LRRC3B: variants seen among roughly 807,000 people sequenced by gnomAD.
LRRC3B encodes leucine-rich repeat-containing protein 3B.
Under a neutral mutation model 12.8 loss-of-function variants are expected in LRRC3B, and 2 were observed. The ratio of observed to expected loss-of-function variants is 0.16; its 90% CI spans 0.06 to 0.49. The LOEUF (loss-of-function observed/expected upper bound fraction) is 0.49. Among genes scored for constraint, LRRC3B ranks in the 20% least tolerant of loss-of-function variants. The probability of loss-of-function intolerance (pLI) is 0.96; values close to 1 mark genes in which losing one functional copy is unlikely to be tolerated. For missense variants in LRRC3B, 189 were observed against 319.4 expected, an observed-to-expected ratio of 0.59 and a Z score of 3.11; for synonymous variants, 132 against 122.0, an observed-to-expected ratio of 1.08 and a Z score of -0.54.
At chr3:26,699,333 A>C (rs1355490643) in intron 1 of LRRC3B, among the ~76,000 whole-genome samples, 2 of 152,156 alleles carry the variant, frequency 1.3e-5, no homozygotes, top group Non-Finnish European at 2.9e-5. Flanking sequence ...CACATTTCAC[A>C]CATATTTTAT....
intron 1 of LRRC3B, among the ~76,000 whole-genome samples, chr3:26,648,436 C>CT (rs1010921161): frequency 9.3e-5 from 14 of 150,978 alleles, no homozygotes; most frequent in Admixed American, 2.0e-4. Flanking sequence ...ATGAAAAGGG[C>CT]TTTTTTTTTG....
chr3:26,647,935 G>T (rs961284902), intron 1 of LRRC3B, among the ~76,000 whole-genome samples: 1 of 152,182 alleles, frequency 6.6e-6, no homozygotes, highest in African/African-American at 2.4e-5. Context: ...TGTGTTTGGG[G>T]ATGAGGAGGC....
At chr3:26,652,839 A>T (rs148190031) in intron 1 of LRRC3B, among the ~76,000 whole-genome samples, 352 of 152,234 alleles carry the variant, frequency 2.3e-3, no homozygotes, top group African/African-American at 8.2e-3. Flanking sequence ...CATCTCCCCA[A>T]ATTTTATTAT....
At chr3:26,674,470 AAAAGG>A (rs1026139923) in intron 1 of LRRC3B, among the ~76,000 whole-genome samples, 1 of 152,144 alleles carries the variant, frequency 6.6e-6, no homozygotes, top group Non-Finnish European at 1.5e-5. Flanking sequence ...TGTTCTTATA[AAAAGG>A]AAAGAAGGTT....
chr3:26,642,660 A>T (rs1699055209), intron 1 of LRRC3B, among the ~76,000 whole-genome samples: 1 of 152,156 alleles, frequency 6.6e-6, no homozygotes, highest in African/African-American at 2.4e-5. Flanking sequence ...AAAAGGAAGC[A>T]GGAGGTCCAG....
intron 1 of LRRC3B, among the ~76,000 whole-genome samples, chr3:26,682,658 C>T (rs1408684010): frequency 1.3e-5 from 2 of 152,170 alleles, no homozygotes; most frequent in Non-Finnish European, 2.9e-5. Flanking sequence ...ACTAAATGCT[C>T]CTTTTGGTGG....
intron 1 of LRRC3B, among the ~76,000 whole-genome samples, chr3:26,676,543 C>G (rs939360225): frequency 1.3e-5 from 2 of 152,090 alleles, no homozygotes; most frequent in Admixed American, 6.6e-5. Context: ...AATGAGATAC[C>G]ATCTCACACC....
chr3:26,710,562 G>GTTTC, exon 2 of LRRC3B: 1 of 1,172,354 alleles, frequency 8.5e-7, no homozygotes, highest in Non-Finnish European at 1.2e-6. Context: ...TTGTATTTCA[G>GTTTC]TTTCTTTTGA....
At chr3:26,634,812 T>C (rs1401906289) in intron 1 of LRRC3B, among the ~76,000 whole-genome samples, 1 of 152,204 alleles carries the variant, frequency 6.6e-6, no homozygotes, top group Non-Finnish European at 1.5e-5. Flanking sequence ...TTGGTGGATG[T>C]TGGCTTTGAC....
intron 1 of LRRC3B, among the ~76,000 whole-genome samples, chr3:26,662,421 C>T (rs1699510888): frequency 6.6e-6 from 1 of 152,062 alleles, no homozygotes; most frequent in Non-Finnish European, 1.5e-5. Flanking sequence ...ACTCTGTTCC[C>T]TTAAAGTGCC....
chr3:26,691,351 T>C (rs1176511594), intron 1 of LRRC3B, among the ~76,000 whole-genome samples: 2 of 151,928 alleles, frequency 1.3e-5, no homozygotes, highest in Non-Finnish European at 2.9e-5. Flanking sequence ...TTTGATTTGA[T>C]GGACAGTGGT....
chr3:26,652,838 A>G (rs2125416020), intron 1 of LRRC3B, among the ~76,000 whole-genome samples: 1 of 152,260 alleles, frequency 6.6e-6, no homozygotes, highest in Non-Finnish European at 1.5e-5. Flanking sequence ...GCATCTCCCC[A>G]AATTTTATTA....
At chr3:26,691,037 GTGTATATA>G (rs1157730471) in intron 1 of LRRC3B, among the ~76,000 whole-genome samples, 1 of 145,256 alleles carries the variant, frequency 6.9e-6, no homozygotes, top group East Asian at 2.0e-4. Context: ...ATATATATGT[GTGTATATA>G]TGTATATATG....
At chr3:26,648,337 G>A (rs929469636) in intron 1 of LRRC3B, among the ~76,000 whole-genome samples, 8 of 152,008 alleles carry the variant, frequency 5.3e-5, no homozygotes, top group African/African-American at 1.9e-4. Context: ...GATTTCAGAA[G>A]GTGGAAACCC....
intron 1 of LRRC3B, among the ~76,000 whole-genome samples, chr3:26,691,471 A>G (rs2125449688): frequency 6.6e-6 from 1 of 152,218 alleles, no homozygotes; most frequent in African/African-American, 2.4e-5. Context: ...TCTCAACTCC[A>G]AGCTGCTTAC....
chr3:26,655,293 TTA>T (rs1309250988), intron 1 of LRRC3B, among the ~76,000 whole-genome samples: 6 of 152,208 alleles, frequency 3.9e-5, no homozygotes, highest in African/African-American at 1.4e-4. Context: ...AGAGCAAACA[TTA>T]TGACCCTATC....
intron 1 of LRRC3B, 142 bp downstream of exon 1, chr3:26,623,379 C>G (rs1315278549): frequency 1.3e-5 from 2 of 152,590 alleles, no homozygotes; most frequent in African/African-American, 4.8e-5. Context: ...TCCCTGATCC[C>G]TTTTGCGCAG....
chr3:26,689,993 G>C (rs1039323825), intron 1 of LRRC3B, among the ~76,000 whole-genome samples: 1 of 152,190 alleles, frequency 6.6e-6, no homozygotes, highest in African/African-American at 2.4e-5. Flanking sequence ...TCAGGGAATT[G>C]AGGAGACCCC....
At chr3:26,671,560 T>C (rs1281330483) in intron 1 of LRRC3B, among the ~76,000 whole-genome samples, 1 of 150,054 alleles carries the variant, frequency 6.7e-6, no homozygotes, top group African/African-American at 2.5e-5. Context: ...CCCAGCTAAT[T>C]TTTTTGTATT....
Sources: gnomAD v4.1 joint callset for allele counts (sites outside exome capture counted in the v4.1 genomes callset) on GRCh38, gnomAD v4.1.1 for gene constraint, MANE v1.5 for transcripts, NCBI Gene and HGNC (gene_info 2026-07-23, HGNC 2026-07-21) for gene names.